Variants in NUCB2 observed in about 807,000 individuals in gnomAD.
NUCB2 encodes nucleobindin-2.
NUCB2 carries 48 observed loss-of-function variants against 57.9 expected under a neutral mutation model. The ratio of observed to expected loss-of-function variants is 0.83; its 90% CI spans 0.66 to 1.05. The LOEUF is 1.05. Ranked by LOEUF, NUCB2 falls within the 50% of genes least tolerant of loss-of-function variation. The probability of loss-of-function intolerance (pLI) is 0.00; values close to 1 mark genes in which losing one functional copy is unlikely to be tolerated. For synonymous variants in NUCB2, 139 were observed against 152.1 expected (o/e 0.91, Z 0.64); for missense variants, 442 against 476.2 (o/e 0.93, Z 0.67).
At position 17,312,037 on chromosome 11, in the gene NUCB2, G is replaced by C. The variant is rs1196915701; in HGVS notation, c.829G>C (p.Val277Leu). 2 of 1,583,682 alleles carry C rather than the reference G, an allele frequency of 1.3e-6. No homozygotes were observed. The highest frequency in any genetic ancestry group is 1.9e-5 in the Admixed American group (1 of 53,696). ...EALFTKELEKVYDPKNEEDDM... is the reference protein window; with the variant it reads ...EALFTKELEKLYDPKNEEDDM... ...AAATTTTTCTTTTTAGTTGGAGAAA[G>C]TATATGACCCTAAAAATGAAGAGGA... The change falls in exon 10 of 14, where the codon GTA becomes CTA. Residue 277 changes from valine (V) to leucine (L), a missense_variant. Coordinates refer to ENST00000529010, the MANE Select transcript of NUCB2 (RefSeq NM_005013.4).
chr11:17,288,552 C>CTTCTTTTTTTTTTTT lies in NUCB2; in HGVS notation c.-1+5611_-1+5612insCTTTTTTTTTTTTTT, dbSNP rs1375589442. ...TCTTTTTCTTCTTCTTCTTCTTCTTCTTTTTTTTTTTTTTTTGAGACAGTC... is the reference window on the plus strand; with the variant it reads ...TCTTTTTCTTCTTCTTCTTCTTCTTCTTCTTTTTTTTTTTTTTTTTTTTTTTTTTTTGAGACAGTC... On this transcript the variant is annotated intron_variant, in intron 2 of 13. Coordinates refer to ENST00000529010, the MANE Select transcript of NUCB2 (RefSeq NM_005013.4). Among the ~76,000 whole-genome samples, 41 of 101,168 alleles carry CTTCTTTTTTTTTTTT rather than the reference C, an allele frequency of 4.1e-4. 1 individual carries two copies. Among genetic ancestry groups the CTTCTTTTTTTTTTTT allele is most frequent in the African/African-American group, 1.4e-3 (31 of 22,738 alleles). The allele number at this position is 101,168 out of a possible 152,430, so 66.4% of individuals were successfully genotyped here. A position where few individuals can be genotyped will look rare whatever the true frequency, so the allele number is the denominator to read the frequency against.
intron 1 of NUCB2, among the ~76,000 whole-genome samples, chr11:17,282,208 C>CTA (rs1264073256): frequency 7.1e-6 from 1 of 141,426 alleles, no homozygotes; most frequent in Non-Finnish European, 1.5e-5. Flanking sequence ...ATCTATATAT[C>CTA]TATATCTATA....
chr11:17,295,428 A>G lies in NUCB2; in HGVS notation c.105A>G (p.Gln35=), dbSNP rs1238948600. ...VPIDIDKTKV[Q]NIHPVESAKI... ...TTGACATAGACAAGACAAAAGTACA[A>G]AATATTCACCCTGTGGAAAGTGCGA... The change falls in exon 3 of 14, where the codon CAA becomes CAG. Residue 35 remains glutamine (Q), a synonymous_variant. Transcript: ENST00000529010. 7 of 1,613,322 alleles carry G rather than the reference A, an allele frequency of 4.3e-6. No individual in the cohort carries two copies. Among genetic ancestry groups the G allele is most frequent in the African/African-American group, 1.3e-5 (1 of 75,036 alleles).
Position 17,311,830 on chromosome 11 carries a change from T to G in NUCB2, c.761-42T>G, listed in dbSNP as rs12225041. 339,035 of 1,266,914 alleles carry G rather than the reference T, an allele frequency of 0.27. 48,834 individuals carry two copies. The highest frequency in any genetic ancestry group is 0.49 in the East Asian group (21,093 of 42,944). The allele number at this position is 1,266,914 out of a possible 1,614,324, so 78.5% of individuals were successfully genotyped here. On this transcript the variant is annotated intron_variant, in intron 8 of 13. Coordinates refer to ENST00000529010, the MANE Select transcript of NUCB2 (RefSeq NM_005013.4). Reference sequence around the variant, plus strand: ...CATTGTATTTTAATTATTTTCTAAGTTATTAAAATCTATTTTTGCATTTGT... The same window carrying G: ...CATTGTATTTTAATTATTTTCTAAGGTATTAAAATCTATTTTTGCATTTGT...
intron 2 of NUCB2, among the ~76,000 whole-genome samples, chr11:17,284,096 C>T (rs1261119279): frequency 6.6e-6 from 1 of 152,094 alleles, no homozygotes; most frequent in Non-Finnish European, 1.5e-5. Context: ...TGGCTTAGTG[C>T]AACCTCTGCC....
chr11:17,295,014 C>T (rs555147738), intron 2 of NUCB2, among the ~76,000 whole-genome samples: 12 of 152,124 alleles, frequency 7.9e-5, no homozygotes, highest in Admixed American at 3.3e-4. Flanking sequence ...TACCATTGCA[C>T]TCCAGCCTGG....
intron 2 of NUCB2, among the ~76,000 whole-genome samples, chr11:17,340,024 G>C (rs1952124339): frequency 1.3e-5 from 2 of 152,094 alleles, no homozygotes; most frequent in African/African-American, 2.4e-5. Flanking sequence ...GTTGTTTCCT[G>C]ACTTTTTAAT....
chr11:17,301,272 C>CTTTTT (rs397848120), intron 4 of NUCB2, among the ~76,000 whole-genome samples: 8 of 73,270 alleles, frequency 1.1e-4, no homozygotes, highest in African/African-American at 2.6e-4. Context: ...CGCGCCTGGC[C>CTTTTT]TTTTTTTTTT....
intron 2 of NUCB2, among the ~76,000 whole-genome samples, chr11:17,294,967 G>C (rs1945578413): frequency 6.6e-6 from 1 of 152,132 alleles, no homozygotes; most frequent in African/African-American, 2.4e-5. Context: ...AGAATCGCTT[G>C]AACCCAGGAG....
intron 11 of NUCB2, among the ~76,000 whole-genome samples, chr11:17,323,921 C>A (rs1451532576): frequency 6.6e-6 from 1 of 152,134 alleles, no homozygotes; most frequent in Non-Finnish European, 1.5e-5. Context: ...GTAATGTCTC[C>A]TTTTTCATCT....
downstream of NUCB2, among the ~76,000 whole-genome samples, chr11:17,336,570 C>T (rs1026755051): frequency 3.3e-5 from 5 of 151,080 alleles, no homozygotes; most frequent in African/African-American, 1.2e-4. Context: ...CTGGCTAACA[C>T]GGTGAAACCC....
intron 1 of NUCB2, among the ~76,000 whole-genome samples, chr11:17,281,270 C>T (rs987765918): frequency 1.3e-5 from 2 of 151,964 alleles, no homozygotes; most frequent in Admixed American, 6.6e-5. Flanking sequence ...GTGCACACCA[C>T]TACACCCAGC....
rs757079299 is a variant in NUCB2 at position 17,331,462 on chromosome 11, A to G, written c.*43A>G. On this transcript the variant is annotated 3_prime_UTR_variant, in exon 14 of 14. Transcript: ENST00000529010. ...AACTTGGAAGAAAGCTGTTAACTCA[A>G]CATCTATTTCATCTTTTTAGCTCCC... The G allele has an allele frequency of 7.4e-7, 1 of 1,342,366 alleles. No homozygotes were observed. The highest frequency in any genetic ancestry group is 1.9e-5 in the South Asian group (1 of 52,860). The allele number at this position is 1,342,366 out of a possible 1,614,324, so 83.2% of individuals were successfully genotyped here. A position where few individuals can be genotyped will look rare whatever the true frequency, so the allele number is the denominator to read the frequency against.
At chr11:17,290,809 A>G (rs1393915048) in intron 2 of NUCB2, among the ~76,000 whole-genome samples, 1 of 152,178 alleles carries the variant, frequency 6.6e-6, no homozygotes, top group African/African-American at 2.4e-5. Flanking sequence ...AAGCATGACT[A>G]GTGTAGAAGG....
At chr11:17,285,576 CA>C (rs1319420352) in intron 2 of NUCB2, among the ~76,000 whole-genome samples, 1,961 of 109,826 alleles carry the variant, frequency 0.018, 15 homozygotes, top group African/African-American at 0.024. Flanking sequence ...GACACTGTCT[CA>C]AAAAAAAAAA....
At chr11:17,325,510 G>T (rs974372662) in intron 11 of NUCB2, among the ~76,000 whole-genome samples, 6 of 151,886 alleles carry the variant, frequency 4.0e-5, no homozygotes, top group African/African-American at 1.5e-4. Context: ...CTCTTTTTTG[G>T]TTTCCATTGG....
chr11:17,288,546 C>CTTT (rs1409100990), intron 2 of NUCB2, among the ~76,000 whole-genome samples: 5 of 81,656 alleles, frequency 6.1e-5, no homozygotes, highest in East Asian at 7.0e-4. Flanking sequence ...TCTTCTTCTT[C>CTTT]TTCTTCTTTT....
chr11:17,306,013 A>G (rs1477770482), intron 5 of NUCB2, among the ~76,000 whole-genome samples: 1 of 152,214 alleles, frequency 6.6e-6, no homozygotes, highest in Non-Finnish European at 1.5e-5. Context: ...CCTTTATCAG[A>G]ATAATTGTAA....
chr11:17,311,903 A>T lies in NUCB2; in HGVS notation c.792A>T (p.Gln264His), dbSNP rs1466804890. The stretch of plus-strand genomic sequence containing the variant: ...ATAGTGATGGATTCCTGGATGAACA[A>T]GAATTAGAAGCCCTATTTACTAAAG... ...DVNSDGFLDE[Q>H]ELEALFTKEL... The change falls in exon 9 of 14, where the codon CAA (glutamine) becomes CAT (histidine). Residue 264 changes from glutamine to histidine, a missense_variant. Gln to His is a conservative substitution (Grantham distance 24). Transcript: ENST00000529010. 3.8e-6 allele frequency: 6 copies of T among 1,599,260 alleles called. No homozygotes were observed. In the South Asian group the frequency reaches 6.8e-5, roughly 18 times the overall value.
Sources: allele counts gnomAD v4.1 joint callset (sites outside exome capture counted in the v4.1 genomes callset), GRCh38; gene constraint gnomAD v4.1.1; transcripts MANE v1.5; gene names NCBI Gene and HGNC (gene_info 2026-07-23, HGNC 2026-07-21).